The following RASGRF1 variants were observed in gnomAD, a reference collection of about 807,000 sequenced individuals.
RASGRF1 encodes ras-specific guanine nucleotide-releasing factor 1.
A neutral mutation model predicts 138.7 loss-of-function variants in RASGRF1; 40 were observed. That is an observed-to-expected ratio of 0.29 (90% CI 0.22 to 0.38). The LOEUF (loss-of-function observed/expected upper bound fraction) is 0.38, where lower values mean the gene tolerates loss of function less well. RASGRF1 is among the 10% of genes least tolerant of loss of function. The pLI, the probability that RASGRF1 is intolerant of heterozygous loss-of-function variation, is 1.00. For synonymous variants in RASGRF1, 614 were observed against 663.2 expected (o/e 0.93, Z 1.14); for missense variants, 1,108 against 1,650.4 (o/e 0.67, Z 5.69).
At chr15:79,089,057 A>G (rs1488873894) in intron 1 of RASGRF1, among the ~76,000 whole-genome samples, 1 of 152,120 alleles carries the variant, frequency 6.6e-6, no homozygotes, top group Non-Finnish European at 1.5e-5. Flanking sequence ...CTTTTATTTC[A>G]ACCAATTCAA....
chr15:79,079,954 A>G (rs1285543242), intron 1 of RASGRF1, among the ~76,000 whole-genome samples: 1 of 152,212 alleles, frequency 6.6e-6, no homozygotes, highest in Non-Finnish European at 1.5e-5. Flanking sequence ...TTCACTGAGC[A>G]TGCTCAGCCT....
chr15:79,058,487 G>A lies in RASGRF1; in HGVS notation c.384-6C>T, dbSNP rs1323514227. The A allele has an allele frequency of 2.5e-6, 4 of 1,613,704 alleles. No individual in the cohort carries two copies. Among genetic ancestry groups the A allele is most frequent in the Non-Finnish European group, 1.7e-6 (2 of 1,179,650 alleles). Reference sequence around the variant, plus strand: ...CTGTGGCGAGGGTCCTGTAGCTGTGGACAGATGGACATGGCAGGTAAGATG... The same window carrying A: ...CTGTGGCGAGGGTCCTGTAGCTGTGAACAGATGGACATGGCAGGTAAGATG... On this transcript the variant is annotated splice_polypyrimidine_tract_variant and splice_region_variant and intron_variant, in intron 2 of 26. Transcript: ENST00000558480.
intron 5 of RASGRF1, among the ~76,000 whole-genome samples, chr15:79,039,288 C>A (rs1291709788): frequency 8.5e-6 from 1 of 117,768 alleles, no homozygotes; most frequent in African/African-American, 3.5e-5. Context: ...CAGAGTGAGA[C>A]CCTGTCTCAA....
chr15:79,035,444 C>G (rs1470947284), intron 5 of RASGRF1, among the ~76,000 whole-genome samples: 1 of 152,250 alleles, frequency 6.6e-6, no homozygotes, highest in Non-Finnish European at 1.5e-5. Flanking sequence ...ATGGTGACAG[C>G]ACAGCATTAA....
rs551859184 is a variant in RASGRF1 at position 79,075,082 on chromosome 15, T to A, written c.277-10556A>T. Reference sequence around the variant, plus strand: ...TGCTGAGTATCCCTAGACCTGCGAGTCTCAACCATGGCTGGACACTGGAGT... The same window carrying A: ...TGCTGAGTATCCCTAGACCTGCGAGACTCAACCATGGCTGGACACTGGAGT... On this transcript the variant is annotated intron_variant, in intron 1 of 26. Coordinates refer to ENST00000558480, the MANE Select transcript of RASGRF1 (RefSeq NM_001145648.3). 1.1e-4 allele frequency among the ~76,000 whole-genome samples: 17 copies of A among 151,910 alleles called. 1 individual carries two copies. In the Middle Eastern group the frequency reaches 0.01, roughly 91 times the overall value.
chr15:79,073,575 C>T lies in RASGRF1; in HGVS notation c.277-9049G>A, dbSNP rs1438457997. Among the ~76,000 whole-genome samples, 1 of 152,102 alleles carries T rather than the reference C, an allele frequency of 6.6e-6. No homozygotes were observed. Among genetic ancestry groups the T allele is most frequent in the Non-Finnish European group, 1.5e-5 (1 of 67,998 alleles). On this transcript the variant is annotated intron_variant, in intron 1 of 26. Coordinates refer to ENST00000558480, the MANE Select transcript of RASGRF1 (RefSeq NM_001145648.3). The surrounding 1 kb of genome is among the most constrained non-coding windows in gnomAD (Gnocchi z 4.2). ...AGCAGAGCACCGAGGGTGGCACTGGCAGACACGGGGTGCCGCTGAGTTGCA... is the reference window on the plus strand; with the variant it reads ...AGCAGAGCACCGAGGGTGGCACTGGTAGACACGGGGTGCCGCTGAGTTGCA...
intron 24 of RASGRF1, chr15:78,980,246 A>G (rs78820016): frequency 0.041 from 6,691 of 164,516 alleles, 230 homozygotes; most frequent in African/African-American, 0.08. Context: ...AGGAAACACA[A>G]TTGTGTTAAA....
intron 5 of RASGRF1, among the ~76,000 whole-genome samples, chr15:79,039,798 C>A (rs1046385091): frequency 6.6e-6 from 1 of 152,086 alleles, no homozygotes; most frequent in African/African-American, 2.4e-5. Context: ...GAGACAGGGT[C>A]TTGCTCTGTC....
chr15:79,054,814 C>T (rs963902152), intron 3 of RASGRF1, among the ~76,000 whole-genome samples: 1 of 152,168 alleles, frequency 6.6e-6, no homozygotes, highest in Non-Finnish European at 1.5e-5. Flanking sequence ...AAGGGGAAAG[C>T]AGCAGTGAAG....
At position 79,006,088 on chromosome 15, in the gene RASGRF1, G is replaced by C. The variant is rs1309994268; in HGVS notation, c.2075+98C>G. 5 of 1,531,292 alleles carry C rather than the reference G, an allele frequency of 3.3e-6. No individual in the cohort carries two copies. The highest frequency in any genetic ancestry group is 4.4e-6 in the Non-Finnish European group (5 of 1,124,160). The allele number at this position is 1,531,292 out of a possible 1,614,324, so 94.9% of individuals were successfully genotyped here. A position where few individuals can be genotyped will look rare whatever the true frequency, so the allele number is the denominator to read the frequency against. On this transcript the variant is annotated intron_variant, in intron 14 of 26. Transcript: ENST00000558480. This position sits in a 1 kb window ranked among gnomAD's most constrained non-coding sequence, Gnocchi z 4.0. ...CCAACACGTTACTGCTGCTCCTCCAGGGACCTTCCAGGTCACCCCCCGGCC... is the reference window on the plus strand; with the variant it reads ...CCAACACGTTACTGCTGCTCCTCCACGGACCTTCCAGGTCACCCCCCGGCC...
intron 26 of RASGRF1, among the ~76,000 whole-genome samples, chr15:78,967,302 T>TC (rs1463469604): frequency 6.6e-6 from 1 of 151,908 alleles, no homozygotes; most frequent in Non-Finnish European, 1.5e-5. Flanking sequence ...TCCCAGCACT[T>TC]TGGGAGGCCG....
intron 1 of RASGRF1, among the ~76,000 whole-genome samples, chr15:79,079,688 G>A (rs945724982): frequency 6.6e-6 from 1 of 152,156 alleles, no homozygotes; most frequent in Non-Finnish European, 1.5e-5. Flanking sequence ...TAAGAAACTG[G>A]TATAATGGCC....
intron 15 of RASGRF1, among the ~76,000 whole-genome samples, chr15:79,003,110 A>G (rs940061729): frequency 6.6e-6 from 1 of 152,246 alleles, no homozygotes; most frequent in Non-Finnish European, 1.5e-5. Flanking sequence ...AGCCTGTCTC[A>G]CACTCAGCAT....
chr15:79,012,395 A>G, intron 13 of RASGRF1: 1 of 933,310 alleles, frequency 1.1e-6, no homozygotes. Flanking sequence ...CACAGATTCC[A>G]TTTTACAGCA....
intron 1 of RASGRF1, among the ~76,000 whole-genome samples, chr15:79,075,599 C>A (rs1186591246): frequency 6.6e-6 from 1 of 152,240 alleles, no homozygotes; most frequent in East Asian, 1.9e-4. Context: ...GCCCCTACAG[C>A]CTCTCCACTG....
At chr15:79,051,682 C>T (rs1003048156) in intron 3 of RASGRF1, among the ~76,000 whole-genome samples, 8 of 152,088 alleles carry the variant, frequency 5.3e-5, no homozygotes, top group Admixed American at 4.6e-4. Context: ...AGAGGCATTC[C>T]GGGACATCTA....
intron 24 of RASGRF1, among the ~76,000 whole-genome samples, chr15:78,974,837 T>A (rs2055841530): frequency 6.6e-6 from 1 of 152,254 alleles, no homozygotes; most frequent in South Asian, 2.1e-4. Context: ...GGCATTCTTG[T>A]ATTTACAGCA....
At position 79,090,562 on chromosome 15, in the gene RASGRF1, G is replaced by GTGCGCGC. The variant is rs993716016; in HGVS notation, c.-71_-65dup. The GTGCGCGC allele has an allele frequency of 1.5e-5, 23 of 1,571,036 alleles. No homozygotes were observed. The East Asian group carries it at 3.2e-4, about 22-fold the overall frequency. ...TTCTCCGCGCAGCAGCCCCCCGTCCGTGCGCGCTGCGCGCTGCCTCTCTCT... is the reference window on the plus strand; with the variant it reads ...TTCTCCGCGCAGCAGCCCCCCGTCCGTGCGCGCTGCGCGCTGCGCGCTGCCTCTCTCT... On this transcript the variant is annotated 5_prime_UTR_variant, in exon 1 of 27. Transcript: ENST00000558480.
At chr15:78,967,354 T>C (rs2055663846) in intron 26 of RASGRF1, among the ~76,000 whole-genome samples, 1 of 152,192 alleles carries the variant, frequency 6.6e-6, no homozygotes, top group South Asian at 2.1e-4. Flanking sequence ...GAGACCAGGC[T>C]GGACAACATG....
Sources: gnomAD v4.1 joint callset for allele counts (sites outside exome capture counted in the v4.1 genomes callset) on GRCh38, gnomAD v4.1.1 for gene constraint, Gnocchi (gnomAD v3.1) non-coding constraint, MANE v1.5 for transcripts, NCBI Gene and HGNC (gene_info 2026-07-23, HGNC 2026-07-21) for gene names.